Variants in FAM161B observed in about 807,000 individuals in gnomAD.
FAM161B encodes protein FAM161B.
FAM161B carries 46 observed loss-of-function variants against 61.5 expected under a neutral mutation model. The observed-to-expected ratio is 0.75, with a 90% CI of 0.59 to 0.96. The LOEUF is 0.96. Ranked by LOEUF, FAM161B falls within the 40% of genes least tolerant of loss-of-function variation. FAM161B has a pLI of 0.00. For synonymous variants in FAM161B, 284 were observed against 302.7 expected, an observed-to-expected ratio of 0.94 and a Z score of 0.64; for missense variants, 774 against 800.7, an observed-to-expected ratio of 0.97 and a Z score of 0.40.
At chr14:73,927,859 A>T (rs899019293), downstream of FAM161B, 1 of 147,292 alleles carries the variant, frequency 6.8e-6, no homozygotes, top group South Asian at 2.0e-4. Context: ...AATTTTTTAG[A>T]CGGAGTCTCA....
At chr14:73,924,485 C>G in the FAM161B span, among the ~76,000 whole-genome samples, 1 of 152,260 alleles carries the variant, frequency 6.6e-6, no homozygotes, top group South Asian at 2.1e-4. Flanking sequence ...TTGGCTTTGA[C>G]TCAGGAAACA....
chr14:73,923,597 A>T, the FAM161B span: 2 of 1,524,328 alleles, frequency 1.3e-6, no homozygotes, highest in South Asian at 2.6e-5. Flanking sequence ...GGACCTGAAA[A>T]AGTCTCCAGT....
chr14:73,932,051 A>G (rs749513187), downstream of FAM161B: 1 of 455,266 alleles, frequency 2.2e-6, no homozygotes, highest in Non-Finnish European at 4.4e-6. Flanking sequence ...TGAGTAAGAG[A>G]CTCTCTGCCA....
Position 73,934,290 on chromosome 14 carries a change from T to C in FAM161B, c.1910A>G (p.His637Arg). Reference protein sequence around the residue: ...SPRKVLEELSHQSPENLVSLA With the variant: ...SPRKVLEELSRQSPENLVSLA The stretch of plus-strand genomic sequence containing the variant: ...TGATACGAGATTTTCTGGTGACTGA[T>C]GAGACAGCTCCTCCAGTACTTTCCT... The change falls in exon 9 of 9, where the codon CAT becomes CGT. Residue 637 changes from histidine (H) to arginine (R), a missense_variant. Coordinates refer to ENST00000286544, the MANE Select transcript of FAM161B (RefSeq NM_152445.3). 6.2e-7 allele frequency: 1 copy of C among 1,614,090 alleles called. No homozygotes were observed. The highest frequency in any genetic ancestry group is 8.5e-7 in the Non-Finnish European group (1 of 1,179,998).
rs573936602 is a variant in FAM161B at position 73,935,914 on chromosome 14, G to A, written c.1805+35C>T. 15 of 1,589,258 alleles carry A rather than the reference G, an allele frequency of 9.4e-6. No homozygotes were observed. In the South Asian group the frequency reaches 1.7e-4, roughly 18 times the overall value. Reference sequence around the variant, plus strand: ...TGGTATTACTGGGTATGACAATTTAGAGAGCTGCAGAATGACAGCAACATT... The same window carrying A: ...TGGTATTACTGGGTATGACAATTTAAAGAGCTGCAGAATGACAGCAACATT... On this transcript the variant is annotated intron_variant, in intron 8 of 8. Transcript: ENST00000286544.
intron 1 of FAM161B, among the ~76,000 whole-genome samples, chr14:73,947,859 A>G (rs969874972): frequency 1.3e-5 from 2 of 152,180 alleles, no homozygotes; most frequent in Non-Finnish European, 2.9e-5. Context: ...TCAGGGAACC[A>G]GGTATCAACT....
the FAM161B span, among the ~76,000 whole-genome samples, chr14:73,925,656 G>A: frequency 6.6e-6 from 1 of 152,212 alleles, no homozygotes; most frequent in East Asian, 1.9e-4. Context: ...TGGAACTCCT[G>A]ACCTCAAGTG....
rs146822271 is a variant in FAM161B, at chr14:73,944,553, C to T, written c.707G>A (p.Arg236His). The change falls in exon 3 of 9, where the codon CGC becomes CAC. Residue 236 changes from arginine to histidine, a missense_variant. Arg to His is a conservative substitution (Grantham distance 29). Transcript: ENST00000286544. ...CCCTGCCTGCCTTCGGGCCTCGCTG[C>T]GCTCCATGATCTCTTGGTAGAGGGG... is the stretch of plus-strand genomic sequence containing the variant. ...YLPLYQEIME[R>H]SEARRQAGIQ... 1.8e-4 allele frequency: 286 copies of T among 1,614,076 alleles called. 1 individual carries two copies. In the Admixed American group the frequency reaches 2.9e-3, roughly 17 times the overall value.
the FAM161B span, among the ~76,000 whole-genome samples, chr14:73,926,074 T>C: frequency 1.3e-5 from 2 of 152,178 alleles, no homozygotes; most frequent in African/African-American, 2.4e-5. Context: ...GTTCTTGTTT[T>C]ATCTCTTTCC....
chr14:73,922,964 A>AAGAT, the FAM161B span: 1 of 152,698 alleles, frequency 6.5e-6, no homozygotes, highest in African/African-American at 2.4e-5. Flanking sequence ...CTATTTCCAG[A>AAGAT]AGATTTTCAT....
downstream of FAM161B, among the ~76,000 whole-genome samples, chr14:73,929,006 T>C (rs1372703051): frequency 1.3e-5 from 2 of 152,146 alleles, no homozygotes; most frequent in African/African-American, 4.8e-5. Context: ...AGTTTCATAA[T>C]GGAAGCCCAA....
the FAM161B span, chr14:73,924,564 A>G: frequency 9.1e-5 from 33 of 362,950 alleles, no homozygotes; most frequent in Admixed American, 1.2e-3. Context: ...GGAGTGGATG[A>G]CTTCATCACG....
At chr14:73,940,347 T>C (rs12881125) in intron 5 of FAM161B, among the ~76,000 whole-genome samples, 17,190 of 152,250 alleles carry the variant, frequency 0.11, 1,273 homozygotes, top group Admixed American at 0.19. Flanking sequence ...ATCTATGCAA[T>C]GGATGTCTCA....
At chr14:73,945,717 G>A (rs907091396) in intron 2 of FAM161B, among the ~76,000 whole-genome samples, 3 of 151,060 alleles carry the variant, frequency 2.0e-5, no homozygotes, top group Non-Finnish European at 4.4e-5. Flanking sequence ...GCGTAAACAC[G>A]GTGCCCGGCC....
downstream of FAM161B, chr14:73,927,271 G>C: frequency 5.3e-6 from 1 of 189,488 alleles, no homozygotes; most frequent in Non-Finnish European, 1.2e-5. Context: ...TAGAGACGGG[G>C]TTTCACCATG....
chr14:73,930,789 CAG>C (rs1462242058), downstream of FAM161B, among the ~76,000 whole-genome samples: 1 of 152,088 alleles, frequency 6.6e-6, no homozygotes, highest in Non-Finnish European at 1.5e-5. Context: ...CTTGTAGAGA[CAG>C]GGCCTCACTG....
intron 1 of FAM161B, 97 bp from the exon 2 acceptor site, chr14:73,946,702 G>C: frequency 7.7e-7 from 1 of 1,296,584 alleles, no homozygotes; most frequent in Admixed American, 2.4e-5. Context: ...CTGTATATTA[G>C]GGACTGGGGA....
At chr14:73,934,573 A>AT (rs2055955443) in intron 8 of FAM161B, among the ~76,000 whole-genome samples, 179 bp from the exon 9 acceptor site, 1 of 151,594 alleles carries the variant, frequency 6.6e-6, no homozygotes, top group African/African-American at 2.4e-5. Context: ...AGTAGCTGGG[A>AT]TTATAGGCAC....
downstream of FAM161B, among the ~76,000 whole-genome samples, chr14:73,929,492 AATAT>A (rs2055880065): frequency 6.6e-6 from 1 of 152,162 alleles, no homozygotes. Flanking sequence ...ACTTCCTGTA[AATAT>A]GCTCTAAAAA....
Sources: gnomAD v4.1 joint callset for allele counts (sites outside exome capture counted in the v4.1 genomes callset) on GRCh38, gnomAD v4.1.1 for gene constraint, MANE v1.5 for transcripts, NCBI Gene and HGNC (gene_info 2026-07-23, HGNC 2026-07-21) for gene names.